The following GABRG3 variants were observed in gnomAD, a reference collection of about 807,000 sequenced individuals.
GABRG3 encodes gamma-aminobutyric acid receptor subunit gamma-3.
In GABRG3, 25 loss-of-function variants were observed where a neutral mutation model predicts 48.8. The ratio of observed to expected loss-of-function variants is 0.51; its 90% CI spans 0.37 to 0.72. The LOEUF (loss-of-function observed/expected upper bound fraction) is 0.72. GABRG3 is among the 30% of genes least tolerant of loss of function. The pLI, the probability that GABRG3 is intolerant of heterozygous loss-of-function variation, is 0.00. For synonymous variants in GABRG3, 227 were observed against 217.6 expected (o/e 1.04, Z -0.38); for missense variants, 394 against 577.9 (o/e 0.68, Z 3.26).
rs529996657 is a variant in GABRG3, at chr15:27,535,666, G to A, written c.*2785G>A. On this transcript the variant is annotated 3_prime_UTR_variant, in exon 10 of 10. Transcript: ENST00000615808. Reference sequence around the variant, plus strand: ...CACCCCCTAAGAGCATGTCCATGCCGGGTTCTCCGCAGGCTTGCATAATTC... The same window carrying A: ...CACCCCCTAAGAGCATGTCCATGCCAGGTTCTCCGCAGGCTTGCATAATTC... The A allele has an allele frequency of 2.2e-4, 34 of 152,332 alleles. No individual in the cohort carries two copies. The highest frequency in any genetic ancestry group is 1.8e-3 in the Admixed American group (27 of 15,304). 9.4% of individuals were successfully genotyped at this position (152,332 alleles called of 1,614,324 possible). A position where few individuals can be genotyped will look rare whatever the true frequency, so the allele number is the denominator to read the frequency against.
At position 27,388,056 on chromosome 15, in the gene GABRG3, G is replaced by A. The variant is rs190462828; in HGVS notation, c.574+59168G>A. On this transcript the variant is annotated intron_variant, in intron 5 of 9. Transcript: ENST00000615808. ...GAAAGGAAGGAAGGAAGGAAAGGTG[G>A]GAGGGAGGGTAAGGAAGGAAGGAAG... is the stretch of plus-strand genomic sequence containing the variant. 1.4e-3 allele frequency among the ~76,000 whole-genome samples: 156 copies of A among 110,002 alleles called. 2 individuals are homozygous for A. Among genetic ancestry groups the A allele is most frequent in the African/African-American group, 6.8e-3 (154 of 22,638 alleles). 72.2% of individuals were successfully genotyped at this position (110,002 alleles called of 152,430 possible). A position where few individuals can be genotyped will look rare whatever the true frequency, so the allele number is the denominator to read the frequency against.
At chr15:27,199,495 C>T (rs931034188) in intron 3 of GABRG3, among the ~76,000 whole-genome samples, 4 of 152,078 alleles carry the variant, frequency 2.6e-5, no homozygotes, top group Admixed American at 2.6e-4. Flanking sequence ...TCGCCAGGGG[C>T]CTCGTCAGAG....
chr15:27,380,184 A>ATTTTCCAT (rs1215334150), intron 5 of GABRG3, among the ~76,000 whole-genome samples: 1 of 152,172 alleles, frequency 6.6e-6, no homozygotes, highest in East Asian at 1.9e-4. Flanking sequence ...TATCAAGGAC[A>ATTTTCCAT]TTTTCCATTT....
At chr15:27,063,249 C>T (rs532437767) in intron 3 of GABRG3, among the ~76,000 whole-genome samples, 1 of 152,360 alleles carries the variant, frequency 6.6e-6, no homozygotes, top group South Asian at 2.1e-4. Context: ...ACAGGAGTGT[C>T]TTCGGGTGGA....
intron 5 of GABRG3, among the ~76,000 whole-genome samples, chr15:27,367,265 A>G (rs959810177): frequency 6.6e-6 from 1 of 152,114 alleles, no homozygotes; most frequent in African/African-American, 2.4e-5. Flanking sequence ...CTAGATATTT[A>G]TTTTAATCAT....
intron 7 of GABRG3, among the ~76,000 whole-genome samples, chr15:27,526,184 G>A (rs1266978736): frequency 6.6e-6 from 1 of 152,154 alleles, no homozygotes; most frequent in Non-Finnish European, 1.5e-5. Context: ...GGAGGGCTTG[G>A]ATTTTCAGGT....
chr15:27,272,753 T>A lies in GABRG3; in HGVS notation c.271-54056T>A, dbSNP rs944094263. 5.3e-5 allele frequency among the ~76,000 whole-genome samples: 8 copies of A among 152,292 alleles called. No homozygotes were observed. In the South Asian group the frequency reaches 6.2e-4, roughly 12 times the overall value. On this transcript the variant is annotated intron_variant, in intron 3 of 9. Coordinates refer to ENST00000615808, the MANE Select transcript of GABRG3 (RefSeq NM_033223.5). ...AAAGGCATTGCTTGTTTTATTTTTT[T>A]CCTTCAAGAAAGTAACAGAAAAAAA...
chr15:27,241,833 A>G (rs2140454115), intron 3 of GABRG3, among the ~76,000 whole-genome samples: 1 of 152,302 alleles, frequency 6.6e-6, no homozygotes, highest in Non-Finnish European at 1.5e-5. Context: ...GTGTTCTTTT[A>G]GTTTTTCTCA....
intron 3 of GABRG3, among the ~76,000 whole-genome samples, chr15:27,207,011 G>A (rs1425519377): frequency 6.6e-6 from 1 of 152,130 alleles, no homozygotes; most frequent in Non-Finnish European, 1.5e-5. Context: ...AAGATGCCAC[G>A]CTGTGCCTTT....
At chr15:27,222,975 C>T (rs1458811696) in intron 3 of GABRG3, among the ~76,000 whole-genome samples, 1 of 152,206 alleles carries the variant, frequency 6.6e-6, no homozygotes, top group African/African-American at 2.4e-5. Context: ...AAGAGATTCT[C>T]CCACTTCTTC....
chr15:27,174,583 C>CATCT (rs1566954767), intron 3 of GABRG3, among the ~76,000 whole-genome samples: 1 of 121,864 alleles, frequency 8.2e-6, no homozygotes, highest in South Asian at 2.6e-4. Context: ...CTCTCTCTCT[C>CATCT]GTCTCTCTCT....
intron 5 of GABRG3, among the ~76,000 whole-genome samples, chr15:27,353,002 G>A (rs191644171): frequency 6.6e-6 from 1 of 152,220 alleles, no homozygotes; most frequent in African/African-American, 2.4e-5. Flanking sequence ...CAAACCTCCC[G>A]ACTTCTGTGT....
At chr15:27,300,249 T>G (rs1018647926) in intron 3 of GABRG3, among the ~76,000 whole-genome samples, 1 of 152,108 alleles carries the variant, frequency 6.6e-6, no homozygotes, top group African/African-American at 2.4e-5. Context: ...CAATCCAAAA[T>G]TACTTGGCAT....
chr15:27,449,393 A>G (rs1006069888), intron 5 of GABRG3, among the ~76,000 whole-genome samples: 1 of 152,146 alleles, frequency 6.6e-6, no homozygotes, highest in Non-Finnish European at 1.5e-5. Flanking sequence ...TTATCCTCTG[A>G]CCCTATTTTG....
Position 27,447,898 on chromosome 15 carries a change from G to A in GABRG3, c.575-32752G>A. Among the ~76,000 whole-genome samples the A allele has an allele frequency of 6.6e-6, 1 of 152,136 alleles. No homozygotes were observed. Among genetic ancestry groups the A allele is most frequent in the East Asian group, 1.9e-4 (1 of 5,192 alleles). ...GATAGCATTAGGAAAAATACCTAAT[G>A]TAGATGACAGGTTGATGGGTGCAGC... is the stretch of plus-strand genomic sequence containing the variant. On this transcript the variant is annotated intron_variant, in intron 5 of 9. Coordinates refer to ENST00000615808, the MANE Select transcript of GABRG3 (RefSeq NM_033223.5). This position sits in a 1 kb window ranked among gnomAD's most constrained non-coding sequence, Gnocchi z 4.0.
At position 27,481,143 on chromosome 15, in the gene GABRG3, C is replaced by G. The variant is rs138710579; in HGVS notation, c.712+356C>G. On this transcript the variant is annotated intron_variant, in intron 6 of 9. Transcript: ENST00000615808. ...GAAGAATCAAATATTATTGAGAATCCACACATAAAAGAAGCTGGTGTGATA... is the reference window on the plus strand; with the variant it reads ...GAAGAATCAAATATTATTGAGAATCGACACATAAAAGAAGCTGGTGTGATA... 4.8e-6 allele frequency: 5 copies of G among 1,050,938 alleles called. No homozygotes were observed. In the East Asian group the frequency reaches 3.5e-4, roughly 73 times the overall value. 65.1% of individuals were successfully genotyped at this position (1,050,938 alleles called of 1,614,324 possible). A position where few individuals can be genotyped will look rare whatever the true frequency, so the allele number is the denominator to read the frequency against.
At chr15:27,164,466 G>A (rs1172450345) in intron 3 of GABRG3, among the ~76,000 whole-genome samples, 1 of 152,184 alleles carries the variant, frequency 6.6e-6, no homozygotes, top group Non-Finnish European at 1.5e-5. Context: ...AAGACAAATA[G>A]TACTACTGGG....
intron 3 of GABRG3, among the ~76,000 whole-genome samples, chr15:27,306,640 AT>A (rs2140498168): frequency 1.5e-5 from 1 of 65,638 alleles, no homozygotes; most frequent in African/African-American, 5.9e-5. Flanking sequence ...ACATATATTT[AT>A]ATATAAACAT....
intron 5 of GABRG3, among the ~76,000 whole-genome samples, chr15:27,439,840 G>A (rs929027264): frequency 9.2e-5 from 14 of 152,170 alleles, no homozygotes; most frequent in African/African-American, 2.9e-4. Flanking sequence ...GATAAATCTC[G>A]TCATTTAGGG....
Sources: gnomAD v4.1 joint callset for allele counts (sites outside exome capture counted in the v4.1 genomes callset) on GRCh38, gnomAD v4.1.1 for gene constraint, Gnocchi (gnomAD v3.1) non-coding constraint, MANE v1.5 for transcripts, NCBI Gene and HGNC (gene_info 2026-07-23, HGNC 2026-07-21) for gene names.